ATP6V1C1: variants seen among roughly 807,000 people sequenced by gnomAD.
ATP6V1C1 encodes V-type proton ATPase subunit C 1.
ATP6V1C1 carries 45 observed loss-of-function variants against 53.9 expected under a neutral mutation model. That is an observed-to-expected ratio of 0.83 (90% CI 0.66 to 1.07). ATP6V1C1 has a LOEUF of 1.07. Among genes scored for constraint, ATP6V1C1 ranks in the 50% least tolerant of loss-of-function variants. The pLI, the probability that ATP6V1C1 is intolerant of heterozygous loss-of-function variation, is 0.00. For missense variants in ATP6V1C1, 315 were observed against 440.3 expected (o/e 0.72, Z 2.55); for synonymous variants, 153 against 155.2 (o/e 0.99, Z 0.11).
chr8:103,060,555 A>G (rs1331049472), intron 8 of ATP6V1C1, among the ~76,000 whole-genome samples: 1 of 152,232 alleles, frequency 6.6e-6, no homozygotes, highest in Admixed American at 6.5e-5. Context: ...AGATCAGGAA[A>G]TGCTGTCTTA....
chr8:103,057,418 G>A (rs966492341), intron 8 of ATP6V1C1, among the ~76,000 whole-genome samples: 5 of 152,186 alleles, frequency 3.3e-5, no homozygotes, highest in African/African-American at 9.7e-5. Context: ...ATGAAGACTC[G>A]GCCTCCCAAT....
chr8:103,066,969 T>C (rs1428464772), intron 12 of ATP6V1C1, among the ~76,000 whole-genome samples: 2 of 150,540 alleles, frequency 1.3e-5, no homozygotes, highest in Non-Finnish European at 3.0e-5. Context: ...TAAGATCCCA[T>C]CTGAAAAAAG....
At chr8:103,065,798 C>G (rs1010948958) in intron 11 of ATP6V1C1, among the ~76,000 whole-genome samples, 3 of 152,076 alleles carry the variant, frequency 2.0e-5, no homozygotes, top group African/African-American at 7.2e-5. Flanking sequence ...AGTCCCAGCA[C>G]TTTGGGAGGC....
chr8:103,049,330 A>G (rs532697213), intron 4 of ATP6V1C1, among the ~76,000 whole-genome samples: 1 of 152,336 alleles, frequency 6.6e-6, no homozygotes, highest in East Asian at 1.9e-4. Flanking sequence ...TGTCTTATGT[A>G]GGTTTTTGTA....
chr8:103,044,047 C>T (rs542345039), intron 3 of ATP6V1C1, among the ~76,000 whole-genome samples: 50 of 152,174 alleles, frequency 3.3e-4, no homozygotes, highest in African/African-American at 9.9e-4. Context: ...TGCCACAATG[C>T]GCAGCTAGTT....
In ATP6V1C1 at chr8:103,068,983, GTTTA is replaced by G. The variant is rs1586332056; in HGVS notation, c.*242_*245del. 7.3e-6 allele frequency: 2 copies of G among 273,156 alleles called. No individual in the cohort carries two copies. The highest frequency in any genetic ancestry group is 1.3e-5 in the Non-Finnish European group (2 of 149,308). The allele number at this position is 273,156 out of a possible 1,614,324, so 16.9% of individuals were successfully genotyped here. On this transcript the variant is annotated 3_prime_UTR_variant, in exon 13 of 13. Transcript: ENST00000518738. ...GTAAATGTGTACTAAAAAAATCAGA[GTTTA>G]TTTATAAACAAAATAGTTTATTTAA...
intron 8 of ATP6V1C1, among the ~76,000 whole-genome samples, chr8:103,061,648 G>A (rs1029981538): frequency 2.0e-5 from 3 of 152,140 alleles, no homozygotes; most frequent in Non-Finnish European, 4.4e-5. Context: ...GGGTATATGC[G>A]TATGTCCACA....
chr8:103,033,194 A>T (rs1816828898), intron 1 of ATP6V1C1, among the ~76,000 whole-genome samples: 1 of 152,312 alleles, frequency 6.6e-6, no homozygotes, highest in Admixed American at 6.5e-5. Flanking sequence ...ATAGGGATTG[A>T]CTGGACTGAG....
rs536816811 is a variant in ATP6V1C1 at position 103,064,929 on chromosome 8, A to G, written c.926+118A>G. The G allele has an allele frequency of 2.2e-5, 18 of 808,620 alleles. No individual in the cohort carries two copies. The Admixed American group carries it at 4.0e-4, about 18-fold the overall frequency. The allele number at this position is 808,620 out of a possible 1,614,324, so 50.1% of individuals were successfully genotyped here. A position where few individuals can be genotyped will look rare whatever the true frequency, so the allele number is the denominator to read the frequency against. On this transcript the variant is annotated intron_variant, in intron 11 of 12. Coordinates refer to ENST00000518738, the MANE Select transcript of ATP6V1C1 (RefSeq NM_001695.5). ...ATTGATTTGGAGAAATCAAAGGGCC[A>G]ATCATGAGACAGAGATTATCAGTAT... is the stretch of plus-strand genomic sequence containing the variant.
chr8:103,059,094 A>C (rs1817346839), intron 8 of ATP6V1C1, among the ~76,000 whole-genome samples: 2 of 151,910 alleles, frequency 1.3e-5, no homozygotes, highest in African/African-American at 4.8e-5. Flanking sequence ...AAACTCATGG[A>C]TGCTTCACAG....
chr8:103,066,878 T>C lies in ATP6V1C1; in HGVS notation c.1053+431T>C, dbSNP rs567041791. 3.5e-3 allele frequency among the ~76,000 whole-genome samples: 521 copies of C among 150,836 alleles called. 3 individuals are homozygous for C. Among genetic ancestry groups the C allele is most frequent in the African/African-American group, 0.012 (490 of 41,050 alleles). On this transcript the variant is annotated intron_variant, in intron 12 of 12. Transcript: ENST00000518738. ...GCGTAGCTGGGCGTGGTGGGACATG[T>C]TGGTAGTCCCAGCAACTGAGGAGGC...
intron 3 of ATP6V1C1, among the ~76,000 whole-genome samples, chr8:103,045,121 ACT>A (rs1467819641): frequency 6.6e-6 from 1 of 152,110 alleles, no homozygotes. Context: ...GAATTTGGAG[ACT>A]CTCAGAAATG....
chr8:103,034,157 A>G (rs1378363908), intron 1 of ATP6V1C1, among the ~76,000 whole-genome samples: 1 of 152,160 alleles, frequency 6.6e-6, no homozygotes, highest in African/African-American at 2.4e-5. Flanking sequence ...TCATCAAGAA[A>G]GGTGCTATAC....
At chr8:103,030,970 C>T (rs1273454020) in intron 1 of ATP6V1C1, among the ~76,000 whole-genome samples, 1 of 152,076 alleles carries the variant, frequency 6.6e-6, no homozygotes, top group East Asian at 1.9e-4. Flanking sequence ...AGAGTAAGGC[C>T]TTAGATCTAT....
At chr8:103,060,084 CAGCTTCCCAAGT>C (rs927931800) in intron 8 of ATP6V1C1, among the ~76,000 whole-genome samples, 17 of 151,942 alleles carry the variant, frequency 1.1e-4, no homozygotes, top group African/African-American at 3.6e-4. Flanking sequence ...TCTCCTTCCC[CAGCTTCCCAAGT>C]AGCTGGGATT....
chr8:103,028,825 T>C (rs1267571145), intron 1 of ATP6V1C1, among the ~76,000 whole-genome samples: 1 of 152,264 alleles, frequency 6.6e-6, no homozygotes, highest in Admixed American at 6.5e-5. Flanking sequence ...GTTTACCAAC[T>C]TTGATCACAT....
intron 3 of ATP6V1C1, among the ~76,000 whole-genome samples, chr8:103,048,568 T>C (rs1370499661): frequency 6.6e-6 from 1 of 152,166 alleles, no homozygotes; most frequent in Non-Finnish European, 1.5e-5. Flanking sequence ...CATATAAATA[T>C]ATGGCTATTT....
intron 3 of ATP6V1C1, among the ~76,000 whole-genome samples, chr8:103,042,924 G>C (rs912872213): frequency 6.6e-6 from 1 of 152,102 alleles, no homozygotes; most frequent in Non-Finnish European, 1.5e-5. Flanking sequence ...GCATGTATCA[G>C]TATTTCATTT....
At chr8:103,058,021 G>C (rs768930452) in intron 8 of ATP6V1C1, among the ~76,000 whole-genome samples, 1 of 152,116 alleles carries the variant, frequency 6.6e-6, no homozygotes, top group Non-Finnish European at 1.5e-5. Flanking sequence ...TGAGGACGTG[G>C]TGCACCCAGA....
Sources: allele counts gnomAD v4.1 joint callset (sites outside exome capture counted in the v4.1 genomes callset), GRCh38; gene constraint gnomAD v4.1.1; transcripts MANE v1.5; gene names NCBI Gene and HGNC (gene_info 2026-07-23, HGNC 2026-07-21).